TECPR2: variants seen among roughly 807,000 people sequenced by gnomAD.
TECPR2 encodes tectonin beta-propeller repeat containing 2.
A neutral mutation model predicts 138.1 loss-of-function variants in TECPR2; 65 were observed. The observed-to-expected ratio is 0.47, with a 90% CI of 0.39 to 0.58. TECPR2 has a LOEUF of 0.58. TECPR2 is among the 20% of genes least tolerant of loss of function. The pLI is 0.00. For missense variants in TECPR2, 1,553 were observed against 1,824.5 expected (o/e 0.85, Z 2.71); for synonymous variants, 746 against 749.8 (o/e 0.99, Z 0.08).
At chr14:102,442,442 C>T (rs1347847826) in intron 11 of TECPR2, among the ~76,000 whole-genome samples, 1 of 152,248 alleles carries the variant, frequency 6.6e-6, no homozygotes, top group Non-Finnish European at 1.5e-5. Flanking sequence ...AGCCTAGTTC[C>T]TGTGTCTTTC....
chr14:102,434,345 A>T lies in TECPR2; in HGVS notation c.1528A>T (p.Ser510Cys). The change falls in exon 9 of 20, where the codon AGT (serine) becomes TGT (cysteine). Residue 510 changes from serine to cysteine, a missense_variant. By Grantham distance (112) the Ser-to-Cys change is moderately radical (BLOSUM62 -1). Coordinates refer to ENST00000359520, the MANE Select transcript of TECPR2 (RefSeq NM_014844.5). ...CACAGACTTGCTGTCGATGACCTCA[A>T]GTGTCCTGGGCAGTAGCGTGGATCA... is the stretch of plus-strand genomic sequence containing the variant. ...LNTDLLSMTSSVLGSSVDQLS... is the reference protein window; with the variant it reads ...LNTDLLSMTSCVLGSSVDQLS... 1 of 1,479,860 alleles carries T rather than the reference A, an allele frequency of 6.8e-7. No homozygotes were observed. The highest frequency in any genetic ancestry group is 9.0e-7 in the Non-Finnish European group (1 of 1,113,434). The allele number at this position is 1,479,860 out of a possible 1,614,324, so 91.7% of individuals were successfully genotyped here.
At chr14:102,459,213 A>G (rs1890348195) in intron 16 of TECPR2, among the ~76,000 whole-genome samples, 1 of 152,082 alleles carries the variant, frequency 6.6e-6, no homozygotes, top group African/African-American at 2.4e-5. Context: ...TTACAACTGC[A>G]TGCAGCTGCA....
intron 2 of TECPR2, among the ~76,000 whole-genome samples, chr14:102,404,864 G>A (rs759973749): frequency 5.3e-5 from 8 of 151,802 alleles, no homozygotes; most frequent in African/African-American, 1.5e-4. Context: ...GTGAGCCACC[G>A]TACCTGGCCC....
chr14:102,404,760 A>G (rs1290565231), intron 2 of TECPR2, among the ~76,000 whole-genome samples: 2 of 151,578 alleles, frequency 1.3e-5, no homozygotes, highest in Non-Finnish European at 2.9e-5. Context: ...TATTTTTAGT[A>G]GAGACAGGAT....
intron 9 of TECPR2, among the ~76,000 whole-genome samples, chr14:102,436,872 C>A (rs1889683641): frequency 6.6e-6 from 1 of 152,206 alleles, no homozygotes; most frequent in Non-Finnish European, 1.5e-5. Flanking sequence ...AGCAGCATGG[C>A]CCCCTAATGT....
rs747584183 is a variant in TECPR2, at chr14:102,434,963, C to T, written c.2146C>T (p.Arg716Cys). ...TGQKEIPISERVLGSVGGQLT... is the reference protein window; with the variant it reads ...TGQKEIPISECVLGSVGGQLT... ...TCAGAAAGAAATACCCATTTCTGAA[C>T]GTGTCTTGGGGAGTGTGGGAGGACA... Residue 716 changes from arginine (R) to cysteine (C), a missense_variant, in exon 9 of 20, where the codon CGT (arginine) becomes TGT (cysteine). Arg to Cys is a radical substitution (Grantham distance 180). Coordinates refer to ENST00000359520, the MANE Select transcript of TECPR2 (RefSeq NM_014844.5). 1.2e-5 allele frequency: 19 copies of T among 1,613,992 alleles called. No individual in the cohort carries two copies. The highest frequency in any genetic ancestry group is 1.4e-5 in the Non-Finnish European group (17 of 1,180,042).
intron 2 of TECPR2, among the ~76,000 whole-genome samples, chr14:102,394,212 C>T (rs1270789023): frequency 6.6e-6 from 1 of 152,156 alleles, no homozygotes; most frequent in Non-Finnish European, 1.5e-5. Flanking sequence ...TGGGTTAATT[C>T]ACGGAGAAAG....
At chr14:102,409,333 C>G (rs1163090520) in intron 4 of TECPR2, among the ~76,000 whole-genome samples, 3 of 151,082 alleles carry the variant, frequency 2.0e-5, no homozygotes, top group African/African-American at 4.9e-5. Flanking sequence ...CAGTCTCGCT[C>G]TTGTCGCCCA....
intron 17 of TECPR2, among the ~76,000 whole-genome samples, chr14:102,480,853 T>TTTG (rs1555454619): frequency 1.5e-5 from 2 of 132,958 alleles, no homozygotes; most frequent in Non-Finnish European, 3.2e-5. Context: ...TTTTTTTTTT[T>TTTG]TTTTTTTTTT....
chr14:102,442,926 G>T (rs1282520512), intron 11 of TECPR2, among the ~76,000 whole-genome samples: 1 of 152,258 alleles, frequency 6.6e-6, no homozygotes, highest in Admixed American at 6.5e-5. Context: ...GAGGCAAGGG[G>T]AGAGCCCTGG....
chr14:102,426,110 C>T (rs935896097), intron 6 of TECPR2, among the ~76,000 whole-genome samples: 2 of 152,066 alleles, frequency 1.3e-5, no homozygotes, highest in African/African-American at 4.8e-5. Flanking sequence ...TGGTCTCGAA[C>T]TCCTGACTCA....
intron 13 of TECPR2, 31 bp downstream of exon 13, chr14:102,445,978 G>T (rs1458171865): frequency 1.3e-6 from 2 of 1,592,278 alleles, no homozygotes; most frequent in Admixed American, 3.4e-5. Context: ...CACGTGCCGA[G>T]GTCTCCCGAC....
chr14:102,497,899 CAG>C (rs910061708), intron 19 of TECPR2, among the ~76,000 whole-genome samples, 180 bp downstream of exon 19: 7 of 152,226 alleles, frequency 4.6e-5, no homozygotes, highest in Non-Finnish European at 7.4e-5. Flanking sequence ...TGGGCTCTGC[CAG>C]AGTCTCCTGG....
At chr14:102,396,636 G>T (rs748430807) in intron 2 of TECPR2, among the ~76,000 whole-genome samples, 3 of 152,126 alleles carry the variant, frequency 2.0e-5, no homozygotes, top group Admixed American at 6.6e-5. Context: ...AACTATTTTG[G>T]AACTCGGAAG....
At chr14:102,416,870 G>A (rs779843465) in intron 5 of TECPR2, among the ~76,000 whole-genome samples, 1 of 152,196 alleles carries the variant, frequency 6.6e-6, no homozygotes, top group African/African-American at 2.4e-5. Flanking sequence ...TGTAATCCCA[G>A]CTACTCAGGA....
chr14:102,407,578 A>C, intron 3 of TECPR2, 112 bp downstream of exon 3: 4 of 1,382,194 alleles, frequency 2.9e-6, no homozygotes, highest in Non-Finnish European at 3.8e-6. Context: ...AAAGCCGGGC[A>C]CGACTTTCTC....
At chr14:102,414,545 C>A in intron 4 of TECPR2, 91 bp from the exon 5 acceptor site, 1 of 1,513,448 alleles carries the variant, frequency 6.6e-7, no homozygotes, top group Non-Finnish European at 9.0e-7. Flanking sequence ...GACCTAAGCA[C>A]AGCTAGCGGG....
chr14:102,456,696 TCTC>T (rs1389912307), intron 16 of TECPR2, among the ~76,000 whole-genome samples: 2 of 151,442 alleles, frequency 1.3e-5, no homozygotes, highest in Non-Finnish European at 2.9e-5. Context: ...TTCACGTCAT[TCTC>T]CTGCCTCAGC....
Position 102,444,985 on chromosome 14 carries a change from C to G in TECPR2, c.2934-821C>G, listed in dbSNP as rs535665508. Among the ~76,000 whole-genome samples, 13 of 152,228 alleles carry G rather than the reference C, an allele frequency of 8.5e-5. No homozygotes were observed. In the South Asian group the frequency reaches 2.7e-3, roughly 32 times the overall value. ...AAAAAAAAGCAACAACAACAAAAAG[C>G]CAGAATGGTGCTAGGGGCTGGGTGC... is the stretch of plus-strand genomic sequence containing the variant. On this transcript the variant is annotated intron_variant, in intron 12 of 19. Transcript: ENST00000359520.
Sources: gnomAD v4.1 joint callset for allele counts (sites outside exome capture counted in the v4.1 genomes callset) on GRCh38, gnomAD v4.1.1 for gene constraint, MANE v1.5 for transcripts, NCBI Gene and HGNC (gene_info 2026-07-23, HGNC 2026-07-21) for gene names.